Variants in GASK1A observed in about 807,000 individuals in gnomAD.
GASK1A encodes golgi associated kinase 1A.
In GASK1A, 40 loss-of-function variants were observed where a neutral mutation model predicts 41.2. The ratio of observed to expected loss-of-function variants is 0.97; its 90% CI spans 0.75 to 1.27. The LOEUF (loss-of-function observed/expected upper bound fraction) is 1.27. Ranked by LOEUF, GASK1A falls within the 50% of genes most tolerant of loss-of-function variation. The probability of loss-of-function intolerance (pLI) is 0.00; values close to 1 mark genes in which losing one functional copy is unlikely to be tolerated. For synonymous variants in GASK1A, 316 were observed against 307.1 expected (o/e 1.03, Z -0.30); for missense variants, 678 against 745.1 (o/e 0.91, Z 1.05).
At chr3:43,030,861 G>A (rs984531633) in intron 1 of GASK1A, among the ~76,000 whole-genome samples, 9 of 152,144 alleles carry the variant, frequency 5.9e-5, no homozygotes, top group Admixed American at 1.3e-4. Flanking sequence ...TTGAGAGAAA[G>A]CAGGGGGCTA....
intron 2 of GASK1A, among the ~76,000 whole-genome samples, chr3:43,042,324 A>G (rs1311031790): frequency 6.7e-6 from 1 of 149,238 alleles, no homozygotes; most frequent in Non-Finnish European, 1.5e-5. Context: ...AAAAAAAAAA[A>G]AATTAAAACT....
At chr3:42,993,307 A>G (rs964875249) in intron 1 of GASK1A, among the ~76,000 whole-genome samples, 2 of 152,264 alleles carry the variant, frequency 1.3e-5, no homozygotes, top group Non-Finnish European at 2.9e-5. Context: ...TGTCACCAAG[A>G]GAAGTCACAG....
At chr3:43,031,033 A>C (rs148431817) in intron 1 of GASK1A, among the ~76,000 whole-genome samples, 54 of 152,292 alleles carry the variant, frequency 3.5e-4, no homozygotes, top group Middle Eastern at 3.4e-3. Context: ...AATTCTGTTT[A>C]CCCGTGTGCC....
At chr3:42,988,160 A>G (rs982705558) in intron 1 of GASK1A, among the ~76,000 whole-genome samples, 2 of 152,014 alleles carry the variant, frequency 1.3e-5, no homozygotes, top group African/African-American at 4.8e-5. Flanking sequence ...AGCCCAGCTG[A>G]CTACCACTGC....
intron 1 of GASK1A, among the ~76,000 whole-genome samples, chr3:43,031,779 G>A (rs1395327435): frequency 6.6e-6 from 1 of 152,190 alleles, no homozygotes; most frequent in Non-Finnish European, 1.5e-5. Context: ...GTCACACCCT[G>A]TTGCTAAGGA....
intron 1 of GASK1A, among the ~76,000 whole-genome samples, chr3:43,031,601 C>G (rs2089576103): frequency 6.6e-6 from 1 of 152,206 alleles, no homozygotes; most frequent in Non-Finnish European, 1.5e-5. Flanking sequence ...AAATCACTGC[C>G]CCTAGGGTGT....
At chr3:42,992,142 G>T (rs927736601) in intron 1 of GASK1A, among the ~76,000 whole-genome samples, 1 of 152,086 alleles carries the variant, frequency 6.6e-6, no homozygotes, top group Non-Finnish European at 1.5e-5. Context: ...TAGTCACTTC[G>T]CTGGGAGTCT....
intron 1 of GASK1A, among the ~76,000 whole-genome samples, chr3:43,028,735 A>AGGACAACCTGTAAGTT (rs1167652947): frequency 6.6e-6 from 1 of 152,260 alleles, no homozygotes; most frequent in Non-Finnish European, 1.5e-5. Context: ...CAGGTTGTCT[A>AGGACAACCTGTAAGTT]GAGGACCACA....
chr3:43,035,464 T>C (rs2089599756), intron 2 of GASK1A, among the ~76,000 whole-genome samples: 1 of 152,054 alleles, frequency 6.6e-6, no homozygotes, highest in African/African-American at 2.4e-5. Flanking sequence ...CTGAGGAGAG[T>C]AGGTGTATAG....
intron 2 of GASK1A, among the ~76,000 whole-genome samples, chr3:43,049,969 A>T (rs1398315236): frequency 6.7e-6 from 1 of 150,180 alleles, no homozygotes; most frequent in Non-Finnish European, 1.5e-5. Context: ...ACATCTTTAT[A>T]CATTTTCTGC....
intron 1 of GASK1A, among the ~76,000 whole-genome samples, chr3:43,012,753 G>T (rs1205447344): frequency 6.6e-6 from 1 of 151,416 alleles, no homozygotes; most frequent in East Asian, 2.0e-4. Context: ...ACATGAAGGG[G>T]CTATGTGAAG....
intron 1 of GASK1A, among the ~76,000 whole-genome samples, chr3:42,990,607 G>C (rs879492899): frequency 1.3e-5 from 2 of 152,218 alleles, no homozygotes; most frequent in Admixed American, 1.3e-4. Flanking sequence ...GGAATTCCGA[G>C]TCTTGGGGAG....
At chr3:42,982,304 A>G (rs912039376) in intron 1 of GASK1A, among the ~76,000 whole-genome samples, 1 of 152,224 alleles carries the variant, frequency 6.6e-6, no homozygotes, top group African/African-American at 2.4e-5. Flanking sequence ...AAAGAAAAAT[A>G]TTGATAGAGA....
intron 1 of GASK1A, among the ~76,000 whole-genome samples, chr3:43,004,422 T>C (rs1419328665): frequency 6.6e-6 from 1 of 152,210 alleles, no homozygotes; most frequent in Non-Finnish European, 1.5e-5. Context: ...TTTTATTGTT[T>C]AAGACACAAA....
At chr3:43,018,842 A>G (rs994462060) in intron 1 of GASK1A, among the ~76,000 whole-genome samples, 29 of 152,158 alleles carry the variant, frequency 1.9e-4, no homozygotes, top group Admixed American at 3.3e-4. Context: ...GACCCAGTGC[A>G]GTCTTTTGGA....
At chr3:43,043,062 T>C (rs1012655330) in intron 2 of GASK1A, among the ~76,000 whole-genome samples, 1 of 152,172 alleles carries the variant, frequency 6.6e-6, no homozygotes, top group African/African-American at 2.4e-5. Flanking sequence ...GCCACCCTCC[T>C]TGGAGAGAGG....
intron 1 of GASK1A, among the ~76,000 whole-genome samples, chr3:43,023,681 T>C (rs1245862522): frequency 6.6e-6 from 1 of 152,184 alleles, no homozygotes; most frequent in Non-Finnish European, 1.5e-5. Flanking sequence ...GCATATCTAA[T>C]TGGGACAGAA....
chr3:42,996,812 G>A (rs1216942619), intron 1 of GASK1A, among the ~76,000 whole-genome samples: 1 of 152,250 alleles, frequency 6.6e-6, no homozygotes, highest in Non-Finnish European at 1.5e-5. Context: ...GACCATTTGG[G>A]TGTAGGATAC....
Position 43,032,355 on chromosome 3 carries a change from C to A in GASK1A, c.92C>A (p.Thr31Asn). Residue 31 changes from threonine (T) to asparagine (N), a missense_variant, in exon 2 of 5, where the codon ACC becomes AAC. Physicochemically the swap from Thr to Asn is moderately conservative, Grantham distance 65. Transcript: ENST00000430121. ...ATGATCCTATCTGCGATGGCTGTCA[C>A]CCGCTTTCCCCCACAGCGTCCATCC... ...LLMILSAMAV[T>N]RFPPQRPSAG... 2 of 1,551,498 alleles carry A rather than the reference C, an allele frequency of 1.3e-6. No individual in the cohort carries two copies. Among genetic ancestry groups the A allele is most frequent in the Non-Finnish European group, 1.7e-6 (2 of 1,146,828 alleles).
Sources: allele counts gnomAD v4.1 joint callset (sites outside exome capture counted in the v4.1 genomes callset), GRCh38; gene constraint gnomAD v4.1.1; transcripts MANE v1.5; gene names NCBI Gene and HGNC (gene_info 2026-07-23, HGNC 2026-07-21).